Variants in ZNF235 observed in about 807,000 individuals in gnomAD.
ZNF235 encodes zfp-93.
In ZNF235, 25 loss-of-function variants were observed where a neutral mutation model predicts 29.4. That is an observed-to-expected ratio of 0.85 (90% CI 0.62 to 1.19). ZNF235 has a LOEUF of 1.19. Among genes scored for constraint, ZNF235 ranks in the 50% most tolerant of loss-of-function variants. The pLI is 0.00. For missense variants in ZNF235, 788 were observed against 885.0 expected (o/e 0.89, Z 1.39); for synonymous variants, 300 against 295.3 (o/e 1.02, Z -0.16).
intron 2 of ZNF235, among the ~76,000 whole-genome samples, chr19:44,302,974 G>A (rs1382730553): frequency 3.1e-4 from 33 of 106,366 alleles, no homozygotes; most frequent in African/African-American, 1.1e-3. Flanking sequence ...ACGTATATAT[G>A]TATATATTTA....
At chr19:44,290,263 T>A (rs942183194) in intron 4 of ZNF235, 2 of 153,012 alleles carry the variant, frequency 1.3e-5, no homozygotes. Context: ...CTACCAGAAC[T>A]TTCCCAGGAT....
In ZNF235 at chr19:44,288,289, C is replaced by A; in HGVS notation, c.1146G>T (p.Lys382Asn). Residue 382 changes from lysine (K) to asparagine (N), a missense_variant, in exon 5 of 5, where the codon AAG becomes AAT. Physicochemically the swap from Lys to Asn is moderately conservative, Grantham distance 94 (BLOSUM62 0). Coordinates refer to ENST00000291182, the MANE Select transcript of ZNF235 (RefSeq NM_004234.4). ...TAAGATCTGTGCTACGACTGAAGCCCTTCCCACAACTGTCACATCTATAGG... is the reference window on the plus strand; with the variant it reads ...TAAGATCTGTGCTACGACTGAAGCCATTCCCACAACTGTCACATCTATAGG... Reference protein sequence around the residue: ...EKPYRCDSCGKGFSRSTDLNI... With the variant: ...EKPYRCDSCGNGFSRSTDLNI... 6.2e-7 allele frequency: 1 copy of A among 1,614,104 alleles called. No homozygotes were observed. Among genetic ancestry groups the A allele is most frequent in the Non-Finnish European group, 8.5e-7 (1 of 1,180,018 alleles).
chr19:44,289,927 C>G (rs1482865395), intron 4 of ZNF235: 6 of 152,154 alleles, frequency 3.9e-5, no homozygotes, highest in Non-Finnish European at 8.8e-5. Flanking sequence ...GATTTCAATA[C>G]CCCTTTCCAA....
Position 44,287,347 on chromosome 19 carries a change from T to A in ZNF235, c.2088A>T (p.Ser696=). 1 of 1,614,024 alleles carries A rather than the reference T, an allele frequency of 6.2e-7. No individual in the cohort carries two copies. Among genetic ancestry groups the A allele is most frequent in the African/African-American group, 1.3e-5 (1 of 75,008 alleles). The change falls in exon 5 of 5, where the codon TCA becomes TCT. Residue 696 remains serine, a synonymous_variant. Coordinates refer to ENST00000291182, the MANE Select transcript of ZNF235 (RefSeq NM_004234.4). ...QQCGKGFSQA[S]HFHTHQRVHT... Reference sequence around the variant, plus strand: ...GGACTCTCTGGTGTGTGTGAAAATGTGAGGCCTGACTGAAGCCCTTCCCAC... The same window carrying A: ...GGACTCTCTGGTGTGTGTGAAAATGAGAGGCCTGACTGAAGCCCTTCCCAC...
intron 2 of ZNF235, 55 bp downstream of exon 2, chr19:44,303,335 A>T: frequency 3.1e-6 from 5 of 1,592,072 alleles, no homozygotes; most frequent in Non-Finnish European, 4.3e-6. Context: ...AAATGTGTCC[A>T]ATCTTTGTGA....
intron 2 of ZNF235, among the ~76,000 whole-genome samples, chr19:44,302,818 T>TTA (rs1335373906): frequency 3.4e-3 from 450 of 131,014 alleles, no homozygotes; most frequent in African/African-American, 0.013. Context: ...ATATATATAC[T>TTA]TATATATATA....
chr19:44,287,613 A>G lies in ZNF235; in HGVS notation c.1822T>C (p.Phe608Leu). ...PFKCDACQKR[F>L]SQASHLQAHQ... ...GCTTGAAGGTGTGAGGCCTGACTGA[A>G]TCGCTTCTGACATGCATCACACTTG... The change falls in exon 5 of 5, where the codon TTC becomes CTC. Residue 608 changes from phenylalanine to leucine, a missense_variant. Physicochemically the swap from Phe to Leu is conservative, Grantham distance 22. Transcript: ENST00000291182. 2 of 1,614,002 alleles carry G rather than the reference A, an allele frequency of 1.2e-6. No homozygotes were observed. The highest frequency in any genetic ancestry group is 8.5e-7 in the Non-Finnish European group (1 of 1,179,996).
At position 44,288,618 on chromosome 19, in the gene ZNF235, T is replaced by C; in HGVS notation, c.817A>G (p.Asn273Asp). 1 of 1,614,140 alleles carries C rather than the reference T, an allele frequency of 6.2e-7. No homozygotes were observed. Among genetic ancestry groups the C allele is most frequent in the Non-Finnish European group, 8.5e-7 (1 of 1,180,004 alleles). The change falls in exon 5 of 5, where the codon AAT becomes GAT. Residue 273 changes from asparagine (N) to aspartate (D), a missense_variant. Coordinates refer to ENST00000291182, the MANE Select transcript of ZNF235 (RefSeq NM_004234.4). ...YQGNECEEAF[N>D]DSSSLELHKQ... Reference sequence around the variant, plus strand: ...TGAAGTTCAAGACTGGAGCTATCATTGAAGGCTTCTTCACATTCATTACCC... The same window carrying C: ...TGAAGTTCAAGACTGGAGCTATCATCGAAGGCTTCTTCACATTCATTACCC...
chr19:44,291,826 G>C (rs572779466), intron 4 of ZNF235, among the ~76,000 whole-genome samples: 1 of 152,008 alleles, frequency 6.6e-6, no homozygotes, highest in African/African-American at 2.4e-5. Flanking sequence ...AAACATATAA[G>C]GAAGAAACAA....
At chr19:44,303,135 G>T (rs1455228909) in intron 2 of ZNF235, among the ~76,000 whole-genome samples, 1 of 140,006 alleles carries the variant, frequency 7.1e-6, no homozygotes, top group African/African-American at 2.6e-5. Flanking sequence ...ATATATATTT[G>T]TATATAAATA....
At chr19:44,293,976 AC>A (rs1470243903) in intron 4 of ZNF235, among the ~76,000 whole-genome samples, 2 of 151,758 alleles carry the variant, frequency 1.3e-5, no homozygotes, top group African/African-American at 4.8e-5. Context: ...TAAAAAATTA[AC>A]AACCTGTGTC....
Position 44,287,384 on chromosome 19 carries a change from G to A in ZNF235, c.2051C>T (p.Thr684Met), listed in dbSNP as rs149947768. 1.1e-3 allele frequency: 1,827 copies of A among 1,611,948 alleles called. 5 individuals carry two copies. Among genetic ancestry groups the A allele is most frequent in the Non-Finnish European group, 1.4e-3 (1,619 of 1,179,340 alleles). The change falls in exon 5 of 5, where the codon ACG becomes ATG. Residue 684 changes from threonine to methionine, a missense_variant. Coordinates refer to ENST00000291182, the MANE Select transcript of ZNF235 (RefSeq NM_004234.4). ...QRVHTGEKPY[T>M]CQQCGKGFSQ... ...GAAGCCCTTCCCACACTGCTGACAC[G>A]TATAGGGTTTCTCTCCTGTGTGGAC...
chr19:44,286,669 A>T lies in ZNF235; in HGVS notation c.*549T>A, dbSNP rs1349755198. 1 of 152,436 alleles carries T rather than the reference A, an allele frequency of 6.6e-6. No homozygotes were observed. The highest frequency in any genetic ancestry group is 2.4e-5 in the African/African-American group (1 of 41,576). The allele number at this position is 152,436 out of a possible 1,614,324, so 9.4% of individuals were successfully genotyped here. A position where few individuals can be genotyped will look rare whatever the true frequency, so the allele number is the denominator to read the frequency against. ...TAACGTTATTAAGGCTACTTGCAGG[A>T]TTCCTTTTGAATATAAATTAATATA... On this transcript the variant is annotated 3_prime_UTR_variant, in exon 5 of 5. Coordinates refer to ENST00000291182, the MANE Select transcript of ZNF235 (RefSeq NM_004234.4).
At chr19:44,301,063 T>G (rs1159662814) in intron 2 of ZNF235, among the ~76,000 whole-genome samples, 5 of 152,178 alleles carry the variant, frequency 3.3e-5, no homozygotes. Flanking sequence ...TTTAATTTTT[T>G]TAAAGATGAT....
intron 3 of ZNF235, among the ~76,000 whole-genome samples, 175 bp downstream of exon 3, chr19:44,299,431 C>G (rs1008007681): frequency 6.6e-6 from 1 of 152,196 alleles, no homozygotes; most frequent in Admixed American, 6.5e-5. Context: ...GATAGAAAAA[C>G]TCTAGTCTCT....
At position 44,287,508 on chromosome 19, in the gene ZNF235, G is replaced by A; in HGVS notation, c.1927C>T (p.Gln643Ter). 6.2e-7 allele frequency: 1 copy of A among 1,613,944 alleles called. No homozygotes were observed. The highest frequency in any genetic ancestry group is 8.5e-7 in the Non-Finnish European group (1 of 1,179,978). ...CCAGTGTGAATTATCTGATGGACTT[G>A]AAGATTTGACCTCTGGCTGAAGGCC... ...GKAFSQRSNLQVHQIIHTGEK... is the reference protein window; with the variant it reads ...GKAFSQRSNL The change falls in exon 5 of 5, where the codon CAA (glutamine) becomes TAA (stop). Residue 643 changes from glutamine to a stop codon, truncating the protein, a stop_gained. Coordinates refer to ENST00000291182, the MANE Select transcript of ZNF235 (RefSeq NM_004234.4). LOFTEE classifies it high-confidence loss of function.
At chr19:44,297,691 G>C (rs956921619) in intron 4 of ZNF235, among the ~76,000 whole-genome samples, 2 of 152,016 alleles carry the variant, frequency 1.3e-5, no homozygotes, top group Non-Finnish European at 2.9e-5. Flanking sequence ...TCGAACTCCC[G>C]ACCTCAGGTG....
intron 4 of ZNF235, chr19:44,289,434 T>C: frequency 7.0e-6 from 3 of 428,054 alleles, no homozygotes; most frequent in Non-Finnish European, 1.2e-5. Flanking sequence ...TTAAGGTGTA[T>C]CTTGGGTCTT....
chr19:44,294,805 A>T (rs1975632272), intron 4 of ZNF235, among the ~76,000 whole-genome samples: 1 of 152,164 alleles, frequency 6.6e-6, no homozygotes, highest in African/African-American at 2.4e-5. Flanking sequence ...AATAAATGTG[A>T]TTCAGCCTAT....
Sources: gnomAD v4.1 joint callset for allele counts (sites outside exome capture counted in the v4.1 genomes callset) on GRCh38, gnomAD v4.1.1 for gene constraint, MANE v1.5 for transcripts, NCBI Gene and HGNC (gene_info 2026-07-23, HGNC 2026-07-21) for gene names.